The following DPP10 variants were observed in gnomAD, a reference collection of about 807,000 sequenced individuals.
DPP10 encodes dipeptidyl peptidase like 10.
Under a neutral mutation model 120.9 loss-of-function variants are expected in DPP10, and 33 were observed. The ratio of observed to expected loss-of-function variants is 0.27; its 90% CI spans 0.21 to 0.37. The LOEUF (loss-of-function observed/expected upper bound fraction) is 0.37, where lower values mean the gene tolerates loss of function less well. Ranked by LOEUF, DPP10 falls within the 10% of genes least tolerant of loss-of-function variation. The pLI is 1.00. For synonymous variants in DPP10, 337 were observed against 326.1 expected (o/e 1.03, Z -0.36); for missense variants, 816 against 942.8 (o/e 0.87, Z 1.76).
At chr2:115,298,578 G>A (rs2060990474) in intron 1 of DPP10, among the ~76,000 whole-genome samples, 1 of 152,016 alleles carries the variant, frequency 6.6e-6, no homozygotes, top group African/African-American at 2.4e-5. Flanking sequence ...CTAGGTCTGA[G>A]CTGGGGATGA....
At chr2:114,803,149 A>G (rs998321608) in intron 1 of DPP10, among the ~76,000 whole-genome samples, 5 of 152,220 alleles carry the variant, frequency 3.3e-5, no homozygotes, top group Non-Finnish European at 5.9e-5. Context: ...TGGATTTATC[A>G]GGGGTTTCCA....
At chr2:115,838,543 C>T (rs931534443) in intron 24 of DPP10, among the ~76,000 whole-genome samples, 4 of 152,086 alleles carry the variant, frequency 2.6e-5, no homozygotes, top group African/African-American at 9.7e-5. Flanking sequence ...GCCCTGAAGC[C>T]TTATTCATAT....
At chr2:115,702,604 T>C (rs1342575084) in intron 7 of DPP10, among the ~76,000 whole-genome samples, 1 of 152,100 alleles carries the variant, frequency 6.6e-6, no homozygotes. Context: ...CAGTCTTCTT[T>C]CAGAAGTCAA....
chr2:115,386,576 C>T (rs2066948637), intron 3 of DPP10, among the ~76,000 whole-genome samples: 1 of 152,082 alleles, frequency 6.6e-6, no homozygotes. Flanking sequence ...AGATAATGGT[C>T]AGTTAATAAA....
chr2:114,559,819 C>A (rs1365451712), intron 1 of DPP10, among the ~76,000 whole-genome samples: 2 of 147,918 alleles, frequency 1.4e-5, no homozygotes, highest in Non-Finnish European at 3.0e-5. Flanking sequence ...TACTCCTCTC[C>A]CAATTTGGTA....
chr2:114,577,471 C>A (rs574283675), intron 1 of DPP10, among the ~76,000 whole-genome samples: 1 of 152,322 alleles, frequency 6.6e-6, no homozygotes, highest in African/African-American at 2.4e-5. Flanking sequence ...ATAAGAGTAA[C>A]CAGAGGGGTC....
At position 115,045,889 on chromosome 2, in the gene DPP10, A is replaced by G. The variant is rs575513705; in HGVS notation, c.61-263350A>G. On this transcript the variant is annotated intron_variant, in intron 1 of 25. Transcript: ENST00000410059. ...CAGAGGCAGTAATTTTGATTTATCA[A>G]TTCTATTAGTTTATAGGGGTTTTGT... Among the ~76,000 whole-genome samples the G allele has an allele frequency of 5.9e-5, 9 of 152,134 alleles. No homozygotes were observed. The South Asian group carries it at 1.7e-3, about 28-fold the overall frequency.
intron 1 of DPP10, among the ~76,000 whole-genome samples, chr2:114,954,027 A>G (rs1322942458): frequency 2.0e-5 from 3 of 152,016 alleles, no homozygotes; most frequent in Non-Finnish European, 2.9e-5. Context: ...ATGTAGAAAT[A>G]AAATAATTCT....
intron 1 of DPP10, among the ~76,000 whole-genome samples, chr2:114,603,516 A>T (rs1018422037): frequency 2.7e-4 from 41 of 152,188 alleles, no homozygotes; most frequent in African/African-American, 9.4e-4. Context: ...CCTAAGACAT[A>T]GGAGGGCATT....
chr2:115,491,601 C>G (rs147105337), intron 3 of DPP10, among the ~76,000 whole-genome samples: 2 of 151,898 alleles, frequency 1.3e-5, no homozygotes, highest in East Asian at 3.9e-4. Flanking sequence ...AGGGTTGTCT[C>G]GGGGCTAGCA....
At chr2:115,176,931 C>T (rs1379221899) in intron 1 of DPP10, among the ~76,000 whole-genome samples, 1 of 152,192 alleles carries the variant, frequency 6.6e-6, no homozygotes, top group East Asian at 1.9e-4. Flanking sequence ...AGCATGGCTA[C>T]TGCCTTCTGT....
chr2:115,666,748 A>G (rs1373835742), intron 5 of DPP10, among the ~76,000 whole-genome samples: 2 of 152,144 alleles, frequency 1.3e-5, no homozygotes, highest in Non-Finnish European at 2.9e-5. Context: ...TGGTTGAACA[A>G]TTTATAATCT....
chr2:115,782,491 T>C, intron 17 of DPP10, 92 bp downstream of exon 17: 10 of 1,259,284 alleles, frequency 7.9e-6, no homozygotes, highest in Non-Finnish European at 1.1e-5. Context: ...CTCTATAAAT[T>C]CTTCTTCAAA....
intron 1 of DPP10, among the ~76,000 whole-genome samples, chr2:114,788,728 AT>A (rs1394205340): frequency 6.6e-6 from 1 of 152,170 alleles, no homozygotes; most frequent in African/African-American, 2.4e-5. Context: ...GATTGTTTTA[AT>A]TTTGGCCGAT....
intron 1 of DPP10, among the ~76,000 whole-genome samples, chr2:115,289,798 G>A (rs754094261): frequency 3.9e-5 from 6 of 152,068 alleles, no homozygotes; most frequent in Non-Finnish European, 7.4e-5. Flanking sequence ...ATAGCCACAG[G>A]TGGAAGAACA....
intron 3 of DPP10, among the ~76,000 whole-genome samples, chr2:115,464,734 C>T (rs1202144959): frequency 6.6e-6 from 1 of 152,128 alleles, no homozygotes; most frequent in Non-Finnish European, 1.5e-5. Context: ...GGATTCCAGA[C>T]AGGTATAATA....
chr2:114,924,525 CAA>C (rs59764051), intron 1 of DPP10, among the ~76,000 whole-genome samples: 11 of 114,484 alleles, frequency 9.6e-5, no homozygotes, highest in South Asian at 2.7e-4. Flanking sequence ...GAATCTGTCT[CAA>C]AAAAAAAAAA....
At chr2:114,564,303 G>A (rs975257246) in intron 1 of DPP10, among the ~76,000 whole-genome samples, 6 of 151,934 alleles carry the variant, frequency 3.9e-5, no homozygotes, top group African/African-American at 1.5e-4. Context: ...TGCTATATAT[G>A]TCCTATTTTA....
At chr2:115,018,550 TG>T (rs1231271899) in intron 1 of DPP10, among the ~76,000 whole-genome samples, 8 of 152,146 alleles carry the variant, frequency 5.3e-5, no homozygotes, top group African/African-American at 1.7e-4. Context: ...TGAAAAAATA[TG>T]TCCTTTGCAG....
Sources: gnomAD v4.1 joint callset for allele counts (sites outside exome capture counted in the v4.1 genomes callset) on GRCh38, gnomAD v4.1.1 for gene constraint, MANE v1.5 for transcripts, NCBI Gene and HGNC (gene_info 2026-07-23, HGNC 2026-07-21) for gene names.